GSR: variants seen among roughly 807,000 people sequenced by gnomAD.
GSR encodes the protein glutathione reductase, mitochondrial.
A neutral mutation model predicts 56.5 loss-of-function variants in GSR; 48 were observed. The ratio of observed to expected loss-of-function variants is 0.85; its 90% CI spans 0.67 to 1.08. The LOEUF is 1.08. Among genes scored for constraint, GSR ranks in the 50% least tolerant of loss-of-function variants. GSR has a pLI of 0.00. For missense variants in GSR, 694 were observed against 703.3 expected, an observed-to-expected ratio of 0.99 and a Z score of 0.15; for synonymous variants, 264 against 270.8, an observed-to-expected ratio of 0.97 and a Z score of 0.25.
intron 8 of GSR, among the ~76,000 whole-genome samples, chr8:30,692,343 T>C (rs1467314143): frequency 1.3e-5 from 2 of 150,734 alleles, no homozygotes; most frequent in East Asian, 2.0e-4. Flanking sequence ...ATTACAGGCA[T>C]GCGCCACCAC....
At chr8:30,699,013 C>A (rs1241608703) in intron 6 of GSR, among the ~76,000 whole-genome samples, 1 of 152,174 alleles carries the variant, frequency 6.6e-6, no homozygotes, top group Non-Finnish European at 1.5e-5. Flanking sequence ...CCATTCAGCA[C>A]GGTGGCCCAT....
At chr8:30,705,937 T>C (rs1366467413) in intron 4 of GSR, among the ~76,000 whole-genome samples, 1 of 152,112 alleles carries the variant, frequency 6.6e-6, no homozygotes, top group Non-Finnish European at 1.5e-5. Flanking sequence ...CAGTTAGCTA[T>C]GTATGAAGTA....
At chr8:30,707,692 T>A (rs957904038) in intron 4 of GSR, among the ~76,000 whole-genome samples, 1 of 151,856 alleles carries the variant, frequency 6.6e-6, no homozygotes, top group Non-Finnish European at 1.5e-5. Context: ...CAGTGGCTCA[T>A]GCCTGTAATC....
In GSR at chr8:30,703,158, G is replaced by A. The variant is rs1164787931; in HGVS notation, c.575C>T (p.Thr192Ile). The A allele has an allele frequency of 3.7e-6, 6 of 1,614,084 alleles. No homozygotes were observed. The highest frequency in any genetic ancestry group is 5.1e-6 in the Non-Finnish European group (6 of 1,179,956). The change falls in exon 5 of 13, where the codon ACC becomes ATC. Residue 192 changes from threonine (T) to isoleucine (I), a missense_variant. Thr to Ile is a moderately conservative substitution (Grantham distance 89, BLOSUM62 -1). Coordinates refer to ENST00000221130, the MANE Select transcript of GSR (RefSeq NM_000637.5). ...PTIEVSGKKY[T>I]APHILIATGG... The stretch of plus-strand genomic sequence containing the variant: ...TGTGGCGATCAGGATGTGTGGGGCG[G>A]TGTACTTTTTCCCACTGACCTCTAT...
chr8:30,705,164 G>A (rs1352436741), intron 4 of GSR, among the ~76,000 whole-genome samples: 1 of 151,312 alleles, frequency 6.6e-6, no homozygotes, highest in Non-Finnish European at 1.5e-5. Context: ...AGTGGTTTAT[G>A]CCTATAATTC....
chr8:30,679,775 G>A (rs1247785484), intron 12 of GSR, 106 bp from the exon 13 acceptor site: 9 of 993,700 alleles, frequency 9.1e-6, no homozygotes, highest in South Asian at 1.4e-5. Context: ...GCATGATCTC[G>A]GCTCGCTGCA....
chr8:30,690,022 G>A (rs144273229), intron 8 of GSR, among the ~76,000 whole-genome samples: 8,918 of 132,778 alleles, frequency 0.067, 660 homozygotes, highest in African/African-American at 0.18. Context: ...TATATAATAC[G>A]TATATTTATA....
At chr8:30,694,977 G>A (rs1803498296) in intron 7 of GSR, among the ~76,000 whole-genome samples, 1 of 151,730 alleles carries the variant, frequency 6.6e-6, no homozygotes, top group Non-Finnish European at 1.5e-5. Flanking sequence ...GCTGAGGCAG[G>A]AAAATCCTAT....
rs532188175 is a variant in GSR at position 30,712,663 on chromosome 8, C to G, written c.307-575G>C. ...CCACTGCACTCCAGCCTGGGTGACACTGAAAGACTCTGCCTCAAAAAAGAA... is the reference window on the plus strand; with the variant it reads ...CCACTGCACTCCAGCCTGGGTGACAGTGAAAGACTCTGCCTCAAAAAAGAA... On this transcript the variant is annotated intron_variant, in intron 1 of 12. Transcript: ENST00000221130. 1.1e-4 allele frequency among the ~76,000 whole-genome samples: 17 copies of G among 152,164 alleles called. No homozygotes were observed. In the South Asian group the frequency reaches 3.1e-3, roughly 28 times the overall value.
chr8:30,712,931 G>A (rs1196609371), intron 1 of GSR, among the ~76,000 whole-genome samples: 1 of 152,078 alleles, frequency 6.6e-6, no homozygotes, highest in Non-Finnish European at 1.5e-5. Context: ...AGATTATCAT[G>A]TTATGTACAA....
At chr8:30,721,050 C>T (rs1263608346) in intron 1 of GSR, among the ~76,000 whole-genome samples, 1 of 152,076 alleles carries the variant, frequency 6.6e-6, no homozygotes, top group African/African-American at 2.4e-5. Flanking sequence ...GAGCCATGAT[C>T]GTGCCACTGC....
At chr8:30,700,003 G>T in intron 6 of GSR, 78 bp downstream of exon 6, 1 of 986,560 alleles carries the variant, frequency 1.0e-6, no homozygotes, top group Non-Finnish European at 1.6e-6. Context: ...TTAAATGCTT[G>T]GGAGGAGAAG....
chr8:30,695,361 G>A (rs571135397), intron 7 of GSR, among the ~76,000 whole-genome samples: 2 of 152,042 alleles, frequency 1.3e-5, no homozygotes, highest in African/African-American at 2.4e-5. Context: ...TCAGCCTCCC[G>A]TGTAGCTGTG....
Position 30,727,522 on chromosome 8 carries a change from G to A in GSR, c.306+8C>T, listed in dbSNP as rs1035472650. ...CGCCCCCCGCCCGAACAAACCGGCG[G>A]TACTCACGCAAGTGCCACCCAGCTT... On this transcript the variant is annotated splice_region_variant and intron_variant, in intron 1 of 12. Transcript: ENST00000221130. 46 of 1,536,544 alleles carry A rather than the reference G, an allele frequency of 3.0e-5. No individual in the cohort carries two copies. The Admixed American group carries it at 3.4e-4, about 11-fold the overall frequency.
chr8:30,682,908 A>G (rs1396725261), intron 10 of GSR, among the ~76,000 whole-genome samples: 1 of 151,712 alleles, frequency 6.6e-6, no homozygotes, highest in Admixed American at 6.6e-5. Context: ...GCTCGCTGCA[A>G]CCTCTGCCTC....
intron 6 of GSR, among the ~76,000 whole-genome samples, chr8:30,698,521 T>C (rs760059171): frequency 1.3e-5 from 2 of 152,184 alleles, no homozygotes; most frequent in Admixed American, 6.6e-5. Context: ...AAAGATTGTA[T>C]GGTTTTCTTA....
intron 1 of GSR, among the ~76,000 whole-genome samples, chr8:30,721,680 A>G (rs1804541842): frequency 6.6e-6 from 1 of 151,312 alleles, no homozygotes; most frequent in Non-Finnish European, 1.5e-5. Flanking sequence ...GCCAAAGGGT[A>G]TCAGTATTTC....
intron 1 of GSR, among the ~76,000 whole-genome samples, chr8:30,712,436 C>A (rs145829101): frequency 3.3e-5 from 5 of 152,250 alleles, no homozygotes; most frequent in African/African-American, 9.6e-5. Context: ...AATTCCAGCA[C>A]TTTGGGAGCT....
At chr8:30,710,265 A>G (rs564777218) in intron 2 of GSR, among the ~76,000 whole-genome samples, 1 of 152,186 alleles carries the variant, frequency 6.6e-6, no homozygotes, top group African/African-American at 2.4e-5. Context: ...GTAGTGAGCC[A>G]AGATCACACT....
Sources: gnomAD v4.1 joint callset for allele counts (sites outside exome capture counted in the v4.1 genomes callset) on GRCh38, gnomAD v4.1.1 for gene constraint, MANE v1.5 for transcripts, NCBI Gene and HGNC (gene_info 2026-07-23, HGNC 2026-07-21) for gene names.